Variants in MMS22L observed in about 807,000 individuals in gnomAD.
The protein encoded by MMS22L is MMS22 like, DNA repair protein.
MMS22L carries 74 observed loss-of-function variants against 159.1 expected under a neutral mutation model. That is an observed-to-expected ratio of 0.47 (90% CI 0.39 to 0.56). The LOEUF is 0.56. Ranked by LOEUF, MMS22L falls within the 20% of genes least tolerant of loss-of-function variation. The pLI is 0.00. For missense variants in MMS22L, 1,351 were observed against 1,422.1 expected (o/e 0.95, Z 0.80); for synonymous variants, 517 against 506.9 (o/e 1.02, Z -0.27).
chr6:97,250,175 A>T (rs1813097378), intron 10 of MMS22L, among the ~76,000 whole-genome samples: 1 of 152,172 alleles, frequency 6.6e-6, no homozygotes, highest in African/African-American at 2.4e-5. Flanking sequence ...ATCTGCTGAT[A>T]GAAAGCAGGT....
intron 22 of MMS22L, among the ~76,000 whole-genome samples, chr6:97,155,407 G>A (rs1801731474): frequency 6.6e-6 from 1 of 152,102 alleles, no homozygotes; most frequent in African/African-American, 2.4e-5. Context: ...TTGGTTTGCT[G>A]CACCCATTAA....
At chr6:97,205,752 G>C (rs1255992771) in intron 14 of MMS22L, among the ~76,000 whole-genome samples, 1 of 152,158 alleles carries the variant, frequency 6.6e-6, no homozygotes, top group Non-Finnish European at 1.5e-5. Flanking sequence ...CCACACATTA[G>C]CTGACCCAAT....
intron 14 of MMS22L, among the ~76,000 whole-genome samples, chr6:97,194,183 G>A (rs888719685): frequency 3.3e-5 from 5 of 152,114 alleles, no homozygotes; most frequent in East Asian, 3.9e-4. Flanking sequence ...TCAGCCTCCC[G>A]AGTAGCTGGA....
intron 4 of MMS22L, among the ~76,000 whole-genome samples, chr6:97,277,961 T>C (rs1235423348): frequency 6.6e-6 from 1 of 152,152 alleles, no homozygotes; most frequent in African/African-American, 2.4e-5. Flanking sequence ...TCAACAAAGT[T>C]AGAACTATTA....
chr6:97,218,757 A>G (rs997343129), intron 14 of MMS22L, among the ~76,000 whole-genome samples: 5 of 152,190 alleles, frequency 3.3e-5, no homozygotes, highest in African/African-American at 1.2e-4. Flanking sequence ...AACACCCTAG[A>G]CTGGGTAATT....
At chr6:97,270,362 T>C (rs1344434570) in intron 6 of MMS22L, 1 of 450,882 alleles carries the variant, frequency 2.2e-6, no homozygotes, top group East Asian at 6.9e-5. Flanking sequence ...TTTTTTTTAA[T>C]GTATGAGTAC....
At chr6:97,181,851 C>G in intron 16 of MMS22L, 53 bp downstream of exon 16, 2 of 1,554,478 alleles carry the variant, frequency 1.3e-6, no homozygotes, top group South Asian at 1.2e-5. Context: ...TCCTAGGATA[C>G]TGATCTGTCA....
In MMS22L at chr6:97,182,044, C is replaced by A. The variant is rs1486840097; in HGVS notation, c.2244G>T (p.Leu748Phe). The A allele has an allele frequency of 1.2e-6, 2 of 1,608,176 alleles. No homozygotes were observed. Among genetic ancestry groups the A allele is most frequent in the Admixed American group, 1.7e-5 (1 of 59,026 alleles). ...CTGTGCTTGGCATGTCCATTGCTAG[C>A]AAAGTAAAGTCTAGATTCAAAATGA... is the stretch of plus-strand genomic sequence containing the variant. ...QLADAAADFTLLAMDMPSTAP... is the reference protein window; with the variant it reads ...QLADAAADFTFLAMDMPSTAP... The change falls in exon 16 of 25, where the codon TTG (leucine) becomes TTT (phenylalanine). Residue 748 changes from leucine to phenylalanine, a missense_variant. Leu to Phe is a conservative substitution (Grantham distance 22). Transcript: ENST00000683635.
chr6:97,161,124 G>T (rs1276819735), intron 22 of MMS22L, among the ~76,000 whole-genome samples: 1 of 151,860 alleles, frequency 6.6e-6, no homozygotes, highest in African/African-American at 2.4e-5. Flanking sequence ...CTGTTTCTTT[G>T]CATGTCCTGT....
At chr6:97,279,591 C>T (rs556963028) in intron 3 of MMS22L, among the ~76,000 whole-genome samples, 1 of 151,934 alleles carries the variant, frequency 6.6e-6, no homozygotes, top group African/African-American at 2.4e-5. Context: ...TCAAGACCAG[C>T]CTGGCCAGCA....
chr6:97,253,999 G>C (rs930704573), intron 10 of MMS22L: 1 of 152,324 alleles, frequency 6.6e-6, no homozygotes, highest in South Asian at 2.1e-4. Flanking sequence ...TATTCATAGG[G>C]TTTTTAAGTA....
intron 3 of MMS22L, among the ~76,000 whole-genome samples, chr6:97,280,925 A>T (rs1380422141): frequency 6.6e-6 from 1 of 152,222 alleles, no homozygotes; most frequent in Admixed American, 6.5e-5. Flanking sequence ...TACTCTAAAG[A>T]TCACTGAAAG....
chr6:97,159,128 C>T (rs1303061885), intron 22 of MMS22L, among the ~76,000 whole-genome samples: 2 of 111,582 alleles, frequency 1.8e-5, no homozygotes, highest in African/African-American at 4.2e-5. Flanking sequence ...ACTGCAACCC[C>T]TGATTTTTTT....
At chr6:97,275,393 G>A (rs1816154477) in intron 4 of MMS22L, among the ~76,000 whole-genome samples, 1 of 152,164 alleles carries the variant, frequency 6.6e-6, no homozygotes, top group Admixed American at 6.5e-5. Flanking sequence ...TAGGCATGGT[G>A]GCGTGTGCCT....
At chr6:97,170,543 C>T (rs1803431331) in intron 19 of MMS22L, among the ~76,000 whole-genome samples, 2 of 151,498 alleles carry the variant, frequency 1.3e-5, no homozygotes, top group South Asian at 4.2e-4. Context: ...TTAATACAAT[C>T]TCTCCATTCA....
intron 21 of MMS22L, among the ~76,000 whole-genome samples, chr6:97,163,434 C>A (rs1562404084): frequency 6.6e-6 from 1 of 151,670 alleles, no homozygotes; most frequent in Non-Finnish European, 1.5e-5. Flanking sequence ...CTATATCTTT[C>A]CTGAGTATTA....
intron 13 of MMS22L, 52 bp from the exon 14 acceptor site, chr6:97,229,455 T>C (rs773816820): frequency 1.7e-5 from 23 of 1,316,578 alleles, no homozygotes; most frequent in Admixed American, 1.1e-4. Flanking sequence ...CACAAAAATC[T>C]GTATCTCTTA....
intron 7 of MMS22L, among the ~76,000 whole-genome samples, chr6:97,269,664 A>G (rs1815517001): frequency 6.6e-6 from 1 of 152,102 alleles, no homozygotes; most frequent in Non-Finnish European, 1.5e-5. Flanking sequence ...CAAAAACAAA[A>G]TTTTACCTAT....
rs1816724694 is a variant in MMS22L, at chr6:97,281,177, A to G, written c.290+60T>C. The G allele has an allele frequency of 4.0e-6, 6 of 1,514,122 alleles. No homozygotes were observed. The East Asian group carries it at 1.4e-4, about 35-fold the overall frequency. 93.8% of individuals were successfully genotyped at this position (1,514,122 alleles called of 1,614,324 possible). ...ATATCAGTATTAGAAGCCACCCAAC[A>G]ACGTAATTTACAAAAGTGAACAACA... On this transcript the variant is annotated intron_variant, in intron 3 of 24. Transcript: ENST00000683635.
Sources: allele counts gnomAD v4.1 joint callset (sites outside exome capture counted in the v4.1 genomes callset), GRCh38; gene constraint gnomAD v4.1.1; transcripts MANE v1.5; gene names NCBI Gene and HGNC (gene_info 2026-07-23, HGNC 2026-07-21).